GVQW3: variants seen among roughly 807,000 people sequenced by gnomAD.
The protein encoded by GVQW3 is protein GVQW3.
Under a neutral mutation model 12.5 loss-of-function variants are expected in GVQW3, and 7 were observed. That is an observed-to-expected ratio of 0.56 (90% CI 0.32 to 1.05). The LOEUF (loss-of-function observed/expected upper bound fraction) is 1.05, where lower values mean the gene tolerates loss of function less well. Ranked by LOEUF, GVQW3 falls within the 50% of genes least tolerant of loss-of-function variation. The pLI, the probability that GVQW3 is intolerant of heterozygous loss-of-function variation, is 0.04. For missense variants in GVQW3, 188 were observed against 190.8 expected (o/e 0.99, Z 0.09); for synonymous variants, 71 against 67.2 (o/e 1.06, Z -0.28).
Position 76,398,049 on chromosome 11 carries a change from C to A in GVQW3, c.466-5611C>A, listed in dbSNP as rs542649243. On this transcript the variant is annotated intron_variant, in intron 1 of 1. Transcript: ENST00000529331. ...ACTCGGGAGGCTGAGGTACGAGAAT[C>A]CCTTGAACCCAGGAGGCAGAGGTTG... 3.3e-5 allele frequency among the ~76,000 whole-genome samples: 5 copies of A among 151,752 alleles called. 2 individuals are homozygous for A. The highest frequency in any genetic ancestry group is 1.2e-4 in the African/African-American group (5 of 41,366).
exon 2 of GVQW3, chr11:76,413,291 C>T (rs980213835): frequency 2.6e-5 from 4 of 152,164 alleles, no homozygotes; most frequent in Non-Finnish European, 5.9e-5. Flanking sequence ...GCATTGTTCT[C>T]CCAAGACTGA....
chr11:76,403,559 T>A (rs1947010840), intron 1 of GVQW3, 101 bp from the exon 2 acceptor site: 1 of 418,584 alleles, frequency 2.4e-6, no homozygotes, highest in South Asian at 9.7e-5. Flanking sequence ...AGGCTTGCAT[T>A]CCTGGGCTCA....
intron 1 of GVQW3, among the ~76,000 whole-genome samples, chr11:76,402,774 A>G (rs1321162591): frequency 6.6e-6 from 1 of 151,866 alleles, no homozygotes. Context: ...GCTGGAGTGC[A>G]GTGGTGCAAT....
At chr11:76,385,004 G>C (rs1380328615) in intron 1 of GVQW3, among the ~76,000 whole-genome samples, 3 of 152,134 alleles carry the variant, frequency 2.0e-5, no homozygotes, top group Admixed American at 6.5e-5. Context: ...TTATTAAACA[G>C]AGGTCCTGAG....
At chr11:76,389,236 CTT>C (rs1287364279) in intron 1 of GVQW3, among the ~76,000 whole-genome samples, 1 of 152,262 alleles carries the variant, frequency 6.6e-6, no homozygotes, top group African/African-American at 2.4e-5. Context: ...CAAAAAATGA[CTT>C]TTAAAAAGAT....
chr11:76,385,479 A>G (rs915555406), intron 1 of GVQW3, among the ~76,000 whole-genome samples: 28 of 151,920 alleles, frequency 1.8e-4, no homozygotes, highest in African/African-American at 6.0e-4. Context: ...ATCTTCAGAC[A>G]CCTCTCAGTT....
At chr11:76,400,519 C>T (rs1034477031) in intron 1 of GVQW3, among the ~76,000 whole-genome samples, 2 of 152,138 alleles carry the variant, frequency 1.3e-5, no homozygotes, top group African/African-American at 4.8e-5. Context: ...CTCCTGGGTT[C>T]GAGCGATTCT....
chr11:76,398,190 A>T (rs1036599407), intron 1 of GVQW3, among the ~76,000 whole-genome samples: 2 of 151,994 alleles, frequency 1.3e-5, no homozygotes, highest in Admixed American at 6.6e-5. Flanking sequence ...ACCAATTCTC[A>T]AAATTCCTGG....
Position 76,404,824 on chromosome 11 carries a change from G to GT in GVQW3, c.*1067dup, listed in dbSNP as rs889098339. The GT allele has an allele frequency of 1.3e-5, 2 of 152,276 alleles. No homozygotes were observed. The highest frequency in any genetic ancestry group is 1.3e-4 in the Admixed American group (2 of 15,286). 9.4% of individuals were successfully genotyped at this position (152,276 alleles called of 1,614,324 possible). A position where few individuals can be genotyped will look rare whatever the true frequency, so the allele number is the denominator to read the frequency against. ...CCCTGTGCATCTTGCACAAAGCCTG[G>GT]TCCTGAGTAGGTGCCCTGCAAAGGT... On this transcript the variant is annotated 3_prime_UTR_variant, in exon 2 of 2. Coordinates refer to ENST00000529331, the MANE Select transcript of GVQW3 (RefSeq NM_001347885.2).
At chr11:76,385,418 C>G (rs1946823478) in intron 1 of GVQW3, among the ~76,000 whole-genome samples, 1 of 152,234 alleles carries the variant, frequency 6.6e-6, no homozygotes, top group Non-Finnish European at 1.5e-5. Context: ...GTCCCGTAGT[C>G]TCACACATCC....
chr11:76,391,855 G>A (rs1031728610), intron 1 of GVQW3, among the ~76,000 whole-genome samples: 1 of 152,234 alleles, frequency 6.6e-6, no homozygotes, highest in Non-Finnish European at 1.5e-5. Flanking sequence ...TCAGGAGGCT[G>A]AGGCAGGAGA....
At chr11:76,410,246 G>C (rs4945084), downstream of GVQW3, among the ~76,000 whole-genome samples, 96,992 of 152,018 alleles carry the variant, frequency 0.64, 31,182 homozygotes, top group South Asian at 0.72. Context: ...GAGGGAGAAA[G>C]TTAGAGAATT....
rs1272445779 is a variant in GVQW3 at position 76,404,818 on chromosome 11, A to C, written c.*1060A>C. The C allele has an allele frequency of 6.6e-6, 1 of 152,296 alleles. No individual in the cohort carries two copies. The highest frequency in any genetic ancestry group is 1.5e-5 in the Non-Finnish European group (1 of 68,096). 9.4% of individuals were successfully genotyped at this position (152,296 alleles called of 1,614,324 possible). A position where few individuals can be genotyped will look rare whatever the true frequency, so the allele number is the denominator to read the frequency against. ...CTCTTGCCCTGTGCATCTTGCACAA[A>C]GCCTGGTCCTGAGTAGGTGCCCTGC... On this transcript the variant is annotated 3_prime_UTR_variant, in exon 2 of 2. Transcript: ENST00000529331.
chr11:76,387,490 T>A lies in GVQW3; in HGVS notation c.465+5197T>A, dbSNP rs571837936. Among the ~76,000 whole-genome samples, 7 of 152,298 alleles carry A rather than the reference T, an allele frequency of 4.6e-5. No homozygotes were observed. In the East Asian group the frequency reaches 1.3e-3, roughly 29 times the overall value. On this transcript the variant is annotated intron_variant, in intron 1 of 1. Transcript: ENST00000529331. ...TAGAAAAACAGATGGCAGGACAGAT[T>A]TGGCCCATCGGCTATAGTTTGATAT...
rs890591417 is a variant in GVQW3 at position 76,381,904 on chromosome 11, C to T, written c.76C>T (p.His26Tyr). 4 of 1,536,454 alleles carry T rather than the reference C, an allele frequency of 2.6e-6. No individual in the cohort carries two copies. The highest frequency in any genetic ancestry group is 3.5e-6 in the Non-Finnish European group (4 of 1,146,992). ...VKLNKSASET[H>Y]HLLKEAYGDE... ...ATTGAACAAGTCTGCAAGTGAGACC[C>T]ACCATCTTTTAAAAGAAGCTTATGG... The change falls in exon 1 of 2, where the codon CAC becomes TAC. Residue 26 changes from histidine to tyrosine, a missense_variant. His to Tyr is a moderately conservative substitution (Grantham distance 83, BLOSUM62 2). Transcript: ENST00000529331.
chr11:76,399,108 GTATTT>G (rs761524235), intron 1 of GVQW3, among the ~76,000 whole-genome samples: 1,881 of 152,104 alleles, frequency 0.012, 9 homozygotes, highest in Non-Finnish European at 0.019. Context: ...GTATTGTATT[GTATTT>G]TATTTTATTT....
At position 76,381,855 on chromosome 11, in the gene GVQW3, G is replaced by T. The variant is rs1375081936; in HGVS notation, c.27G>T (p.Arg9Ser). ...TGAGTGACCGCTATTTAGAACAAAGGATTAGTATCAAATTTTGCGTGAAAT... is the reference window on the plus strand; with the variant it reads ...TGAGTGACCGCTATTTAGAACAAAGTATTAGTATCAAATTTTGCGTGAAAT... MSDRYLEQ[R>S]ISIKFCVKLN... Residue 9 changes from arginine (R) to serine (S), a missense_variant, in exon 1 of 2, where the codon AGG (arginine) becomes AGT (serine). Arg to Ser is a moderately radical substitution (Grantham distance 110). Coordinates refer to ENST00000529331, the MANE Select transcript of GVQW3 (RefSeq NM_001347885.2). 3.3e-6 allele frequency: 5 copies of T among 1,535,424 alleles called. No homozygotes were observed. In the African/African-American group the frequency reaches 5.5e-5, roughly 17 times the overall value.
chr11:76,401,133 A>G (rs957044871), intron 1 of GVQW3, among the ~76,000 whole-genome samples: 9 of 151,812 alleles, frequency 5.9e-5, no homozygotes, highest in African/African-American at 2.2e-4. Flanking sequence ...TCAGCCTCCC[A>G]AAGTGCTATA....
intron 1 of GVQW3, among the ~76,000 whole-genome samples, chr11:76,385,479 A>C (rs915555406): frequency 6.6e-6 from 1 of 151,802 alleles, no homozygotes; most frequent in Admixed American, 6.6e-5. Context: ...ATCTTCAGAC[A>C]CCTCTCAGTT....
Sources: allele counts gnomAD v4.1 joint callset (sites outside exome capture counted in the v4.1 genomes callset), GRCh38; gene constraint gnomAD v4.1.1; transcripts MANE v1.5; gene names NCBI Gene and HGNC (gene_info 2026-07-23, HGNC 2026-07-21).